DNM3: variants seen among roughly 807,000 people sequenced by gnomAD.
DNM3 encodes dynamin-3.
A neutral mutation model predicts 101.6 loss-of-function variants in DNM3; 47 were observed. That is an observed-to-expected ratio of 0.46 (90% CI 0.37 to 0.59). DNM3 has a LOEUF of 0.59. Among genes scored for constraint, DNM3 ranks in the 20% least tolerant of loss-of-function variants. DNM3 has a pLI of 0.00. For synonymous variants in DNM3, 385 were observed against 387.9 expected (o/e 0.99, Z 0.09); for missense variants, 849 against 1,085.7 (o/e 0.78, Z 3.06).
intron 15 of DNM3, chr1:172,289,728 T>C: frequency 1.0e-6 from 1 of 985,008 alleles, no homozygotes; most frequent in African/African-American, 1.7e-5. Context: ...GGTTGCATGT[T>C]CTAAGTTTCA....
At chr1:171,914,989 A>G (rs2039602879) in intron 1 of DNM3, among the ~76,000 whole-genome samples, 1 of 151,992 alleles carries the variant, frequency 6.6e-6, no homozygotes, top group African/African-American at 2.4e-5. Flanking sequence ...ATTTAGGGGG[A>G]TAGGGATGTG....
chr1:172,030,450 A>C (rs1377498353), intron 4 of DNM3, among the ~76,000 whole-genome samples: 1 of 152,232 alleles, frequency 6.6e-6, no homozygotes, highest in East Asian at 1.9e-4. Flanking sequence ...AAACCATAAA[A>C]ACCATAAAAG....
intron 2 of DNM3, among the ~76,000 whole-genome samples, chr1:171,971,576 C>T (rs1015940590): frequency 6.6e-6 from 1 of 151,984 alleles, no homozygotes. Context: ...TTTCATATGG[C>T]CAGAAAACGC....
chr1:172,317,630 A>G (rs1248838886), intron 16 of DNM3, among the ~76,000 whole-genome samples: 2 of 152,264 alleles, frequency 1.3e-5, no homozygotes, highest in African/African-American at 4.8e-5. Context: ...AATAAACTAG[A>G]AAATCTAGAA....
Position 171,841,800 on chromosome 1 carries a change from C to G in DNM3, c.144C>G (p.Leu48=), listed in dbSNP as rs778559685. 17 of 1,609,010 alleles carry G rather than the reference C, an allele frequency of 1.1e-5. No homozygotes were observed. Residue 48 remains leucine, a synonymous_variant, in exon 1 of 21, where the codon CTC becomes CTG. Coordinates refer to ENST00000627582, the MANE Select transcript of DNM3 (RefSeq NM_015569.5). ...GGQSAGKSSV[L]ENFVGRDFLP... ...AGAGCGCCGGCAAGAGCTCGGTGCTCGAGAACTTCGTGGGCAGGTAAGCGC... is the reference window on the plus strand; with the variant it reads ...AGAGCGCCGGCAAGAGCTCGGTGCTGGAGAACTTCGTGGGCAGGTAAGCGC...
At chr1:172,197,781 G>C (rs1290452492) in intron 14 of DNM3, among the ~76,000 whole-genome samples, 2 of 152,098 alleles carry the variant, frequency 1.3e-5, no homozygotes, top group African/African-American at 4.8e-5. Context: ...ATTTGCTGAA[G>C]TTGTTTCTCA....
At chr1:171,900,238 T>G (rs1353749941) in intron 1 of DNM3, among the ~76,000 whole-genome samples, 6 of 152,038 alleles carry the variant, frequency 3.9e-5, no homozygotes, top group African/African-American at 1.4e-4. Flanking sequence ...TAGGACACGA[T>G]GCGTTTGGGG....
At chr1:172,298,881 C>A (rs2757494) in intron 15 of DNM3, among the ~76,000 whole-genome samples, 41,266 of 148,090 alleles carry the variant, frequency 0.28, 5,724 homozygotes, top group East Asian at 0.31. Flanking sequence ...GAGAGAAAGA[C>A]AGAGAAAGAA....
chr1:172,309,203 C>T (rs1185146798), intron 16 of DNM3: 1 of 185,356 alleles, frequency 5.4e-6, no homozygotes, highest in East Asian at 1.3e-4. Context: ...ATCATAACAC[C>T]AGCATTTTGA....
rs1414304642 is a variant in DNM3 at position 172,049,445 on chromosome 1, T to G, written c.1335+695T>G. ...TGGTGGCTGATCCATAAATTGCCAT[T>G]TTAGCAGCAGTCAGTATTCTCTACC... On this transcript the variant is annotated intron_variant, in intron 10 of 20. Transcript: ENST00000627582. 2.0e-5 allele frequency among the ~76,000 whole-genome samples: 3 copies of G among 152,160 alleles called. No homozygotes were observed. In the East Asian group the frequency reaches 5.8e-4, roughly 29 times the overall value.
chr1:172,256,907 T>TG (rs976684522), intron 15 of DNM3, among the ~76,000 whole-genome samples: 21 of 126,502 alleles, frequency 1.7e-4, no homozygotes, highest in Non-Finnish European at 2.2e-4. Flanking sequence ...TTCATCATGT[T>TG]TTTTTTTTTT....
At chr1:172,122,368 A>G (rs543293204) in intron 13 of DNM3, among the ~76,000 whole-genome samples, 11 of 152,272 alleles carry the variant, frequency 7.2e-5, no homozygotes, top group Non-Finnish European at 4.4e-5. Flanking sequence ...TAACAACTCT[A>G]CATTATAGGT....
At chr1:172,035,086 G>T (rs10218612) in intron 6 of DNM3, among the ~76,000 whole-genome samples, 55,718 of 151,900 alleles carry the variant, frequency 0.37, 10,678 homozygotes, top group East Asian at 0.64. Context: ...AGTAAAAAAA[G>T]GGGCGGGTTT....
chr1:172,263,855 C>A (rs1407413341), intron 15 of DNM3, among the ~76,000 whole-genome samples: 1 of 152,172 alleles, frequency 6.6e-6, no homozygotes, highest in African/African-American at 2.4e-5. Flanking sequence ...CATTTGCAAT[C>A]ACTAGTGTGA....
chr1:172,167,434 C>T (rs1023505053), intron 14 of DNM3, among the ~76,000 whole-genome samples: 1 of 152,046 alleles, frequency 6.6e-6, no homozygotes, highest in Non-Finnish European at 1.5e-5. Flanking sequence ...GGTATATACC[C>T]AGGAATGGGA....
At chr1:172,279,027 T>C (rs2063390229) in intron 15 of DNM3, among the ~76,000 whole-genome samples, 1 of 152,282 alleles carries the variant, frequency 6.6e-6, no homozygotes, top group East Asian at 1.9e-4. Context: ...AGACTGTATG[T>C]CATTTTTCTC....
intron 14 of DNM3, among the ~76,000 whole-genome samples, chr1:172,230,173 A>G (rs751470765): frequency 6.6e-6 from 1 of 152,204 alleles, no homozygotes. Flanking sequence ...GCTCTGCCCC[A>G]TGTGAGAATG....
At chr1:171,950,361 G>A (rs1055848968) in intron 2 of DNM3, among the ~76,000 whole-genome samples, 1 of 152,048 alleles carries the variant, frequency 6.6e-6, no homozygotes, top group African/African-American at 2.4e-5. Context: ...AGTGATATGT[G>A]GTAGGATACT....
At chr1:172,398,741 T>C (rs2070225686) in intron 20 of DNM3, among the ~76,000 whole-genome samples, 1 of 152,240 alleles carries the variant, frequency 6.6e-6, no homozygotes, top group South Asian at 2.1e-4. Context: ...TGGTAGTTTT[T>C]GTAAGACAGA....
Sources: gnomAD v4.1 joint callset for allele counts (sites outside exome capture counted in the v4.1 genomes callset) on GRCh38, gnomAD v4.1.1 for gene constraint, MANE v1.5 for transcripts, NCBI Gene and HGNC (gene_info 2026-07-23, HGNC 2026-07-21) for gene names.